ADAD2: variants seen among roughly 807,000 people sequenced by gnomAD.
ADAD2 encodes adenosine deaminase domain-containing protein 2.
In ADAD2, 60 loss-of-function variants were observed where a neutral mutation model predicts 54.5. The ratio of observed to expected loss-of-function variants is 1.10; its 90% confidence interval spans 0.89 to 1.36. The LOEUF (loss-of-function observed/expected upper bound fraction) is 1.36. Among genes scored for constraint, ADAD2 ranks in the 40% most tolerant of loss-of-function variants. The pLI is 0.00. For missense variants in ADAD2, 1,103 were observed against 801.3 expected (o/e 1.38, Z -4.54); for synonymous variants, 543 against 366.2 (o/e 1.48, Z -5.51).
rs74476969 is a variant in ADAD2 at position 84,197,072 on chromosome 16, C to G, written c.*98C>G. The G allele has an allele frequency of 1.5e-3, 1,850 of 1,247,346 alleles. 36 individuals carry two copies. The East Asian group carries it at 0.043, about 29-fold the overall frequency. 77.3% of individuals were successfully genotyped at this position (1,247,346 alleles called of 1,614,324 possible). A position where few individuals can be genotyped will look rare whatever the true frequency, so the allele number is the denominator to read the frequency against. On this transcript the variant is annotated 3_prime_UTR_variant, in exon 10 of 10. Transcript: ENST00000315906. ...CGTTGTGGGGAGAACATGGGTTGTGCGGGGTGAAACTGGGGCTGGAGGGAA... is the reference window on the plus strand; with the variant it reads ...CGTTGTGGGGAGAACATGGGTTGTGGGGGGTGAAACTGGGGCTGGAGGGAA...
In ADAD2 at chr16:84,195,960, C is replaced by G. The variant is rs1275475341; in HGVS notation, c.1198C>G (p.Leu400Val). 6.3e-6 allele frequency: 10 copies of G among 1,599,146 alleles called. No individual in the cohort carries two copies. Among genetic ancestry groups the G allele is most frequent in the South Asian group, 1.1e-5 (1 of 91,048 alleles). ...GGGCTGCCTGTCAGCCAGTGACAAG[C>G]TGGCACGCTGGGCCGTGCTGGGGCT... ...HVGCLSASDK[L>V]ARWAVLGLGG... is the part of the protein sequence containing the mutation. Residue 400 changes from leucine to valine, a missense_variant, in exon 7 of 10, where the codon CTG (leucine) becomes GTG (valine). Leu to Val is a conservative substitution (Grantham distance 32, BLOSUM62 1). Transcript: ENST00000315906.
At position 84,195,966 on chromosome 16, in the gene ADAD2, C is replaced by T. The variant is rs199788542; in HGVS notation, c.1204C>T (p.Arg402Cys). The change falls in exon 7 of 10, where the codon CGC (arginine) becomes TGC (cysteine). Residue 402 changes from arginine (R) to cysteine (C), a missense_variant. Physicochemically the swap from Arg to Cys is radical, Grantham distance 180 (BLOSUM62 -3). Coordinates refer to ENST00000315906, the MANE Select transcript of ADAD2 (RefSeq NM_001145400.2). ...GCLSASDKLARWAVLGLGGAL... is the reference protein window; with the variant it reads ...GCLSASDKLACWAVLGLGGAL... ...CCTGTCAGCCAGTGACAAGCTGGCACGCTGGGCCGTGCTGGGGCTGGGTGG... is the reference window on the plus strand; with the variant it reads ...CCTGTCAGCCAGTGACAAGCTGGCATGCTGGGCCGTGCTGGGGCTGGGTGG... The T allele has an allele frequency of 1.5e-5, 24 of 1,599,054 alleles. No homozygotes were observed. The highest frequency in any genetic ancestry group is 8.3e-5 in the Admixed American group (5 of 59,928).
chr16:84,196,295 G>A lies in ADAD2; in HGVS notation c.1451G>A (p.Gly484Asp), dbSNP rs775453617. 1 of 1,612,980 alleles carries A rather than the reference G, an allele frequency of 6.2e-7. No individual in the cohort carries two copies. The highest frequency in any genetic ancestry group is 8.5e-7 in the Non-Finnish European group (1 of 1,179,986). The change falls in exon 8 of 10, where the codon GGC becomes GAC. Residue 484 changes from glycine to aspartate, a missense_variant. Coordinates refer to ENST00000315906, the MANE Select transcript of ADAD2 (RefSeq NM_001145400.2). ...PSEPTPDTCR[G>D]LSLNWSLGDP... ...GAACCCACCCCTGACACCTGCCGTGGCCTGAGCCTCAACTGGAGCCTGGGG... is the reference window on the plus strand; with the variant it reads ...GAACCCACCCCTGACACCTGCCGTGACCTGAGCCTCAACTGGAGCCTGGGG...
At chr16:84,193,961 C>A in intron 1 of ADAD2, 1 of 1,505,398 alleles carries the variant, frequency 6.6e-7, no homozygotes, top group South Asian at 1.3e-5. Context: ...TTTTTCATCT[C>A]TCTTTTGTGT....
In ADAD2 at chr16:84,195,810, C is replaced by A. The variant is rs74961539; in HGVS notation, c.1053-5C>A. 1.3e-6 allele frequency: 2 copies of A among 1,596,978 alleles called. No individual in the cohort carries two copies. Among genetic ancestry groups the A allele is most frequent in the African/African-American group, 2.7e-5 (2 of 74,356 alleles). On this transcript the variant is annotated splice_region_variant and splice_polypyrimidine_tract_variant and intron_variant, in intron 6 of 9. Transcript: ENST00000315906. The stretch of plus-strand genomic sequence containing the variant: ...AGCTGATGTCTGTCCCCACCCGGCC[C>A]GCAGCCTGCCCCCCACCTCGGAAGG...
rs1264266037 is a variant in ADAD2, at chr16:84,191,621, C to T, written c.391C>T (p.Leu131=). The part of the protein sequence containing the change: ...TEYAASLGIF[L]LFREDQPPGP... Reference sequence around the variant, plus strand: ...GTACGCGGCCAGCCTGGGCATCTTCCTGCTCTTCCGGGAGGACCAGCCACC... The same window carrying T: ...GTACGCGGCCAGCCTGGGCATCTTCTTGCTCTTCCGGGAGGACCAGCCACC... Residue 131 remains leucine, a synonymous_variant, in exon 1 of 10, where the codon CTG becomes TTG. Transcript: ENST00000315906. 3.9e-6 allele frequency: 6 copies of T among 1,555,228 alleles called. No homozygotes were observed. The highest frequency in any genetic ancestry group is 2.4e-5 in the East Asian group (1 of 41,464).
chr16:84,195,990 G>A lies in ADAD2; in HGVS notation c.1228G>A (p.Gly410Ser), dbSNP rs2089724688. The A allele has an allele frequency of 1.3e-6, 2 of 1,598,782 alleles. No individual in the cohort carries two copies. Among genetic ancestry groups the A allele is most frequent in the Non-Finnish European group, 1.7e-6 (2 of 1,179,554 alleles). ...ACGCTGGGCCGTGCTGGGGCTGGGTGGTGCCCTGCTGGCCCACCTGGTGTC... is the reference window on the plus strand; with the variant it reads ...ACGCTGGGCCGTGCTGGGGCTGGGTAGTGCCCTGCTGGCCCACCTGGTGTC... ...LARWAVLGLG[G>S]ALLAHLVSPL... Residue 410 changes from glycine (G) to serine (S), a missense_variant, in exon 7 of 10, where the codon GGT becomes AGT. Transcript: ENST00000315906.
rs983257019 is a variant in ADAD2, at chr16:84,191,456, G to C, written c.226G>C (p.Gly76Arg). Residue 76 changes from glycine (G) to arginine (R), a missense_variant, in exon 1 of 10, where the codon GGG (glycine) becomes CGG (arginine). Gly to Arg is a moderately radical substitution (Grantham distance 125). Transcript: ENST00000315906. ...TGGGCCTGGGGCAGGGGCCGGAGTC[G>C]GGGAACTGGGGGCAGCCCGGGCGTG... is the stretch of plus-strand genomic sequence containing the variant. Reference protein sequence around the residue: ...DSGPGAGAGVGELGAARAWEN... With the variant: ...DSGPGAGAGVRELGAARAWEN... The C allele has an allele frequency of 1.3e-6, 2 of 1,527,000 alleles. No individual in the cohort carries two copies. 94.6% of individuals were successfully genotyped at this position (1,527,000 alleles called of 1,614,324 possible). A position where few individuals can be genotyped will look rare whatever the true frequency, so the allele number is the denominator to read the frequency against.
In ADAD2 at chr16:84,197,027, G is replaced by A. The variant is rs930215608; in HGVS notation, c.*53G>A. ...GGAGCCAAGCTGTACCCCTGCTGGG[G>A]GAGTGCCCTATCTGAGGAGCGTTGT... is the stretch of plus-strand genomic sequence containing the variant. On this transcript the variant is annotated 3_prime_UTR_variant, in exon 10 of 10. Transcript: ENST00000315906. 6.6e-7 allele frequency: 1 copy of A among 1,524,416 alleles called. No individual in the cohort carries two copies. The highest frequency in any genetic ancestry group is 1.4e-5 in the African/African-American group (1 of 72,718). 94.4% of individuals were successfully genotyped at this position (1,524,416 alleles called of 1,614,324 possible).
In ADAD2 at chr16:84,194,671, G is replaced by T. The variant is rs780277888; in HGVS notation, c.559+89G>T. On this transcript the variant is annotated intron_variant, in intron 2 of 9. Coordinates refer to ENST00000315906, the MANE Select transcript of ADAD2 (RefSeq NM_001145400.2). ...CCCGTGGGGAGGCGGAAGTGGCTGTGCGTGTGAGCAGGAGGTGGGTTGCTG... is the reference window on the plus strand; with the variant it reads ...CCCGTGGGGAGGCGGAAGTGGCTGTTCGTGTGAGCAGGAGGTGGGTTGCTG... 4.5e-6 allele frequency: 7 copies of T among 1,541,724 alleles called. No individual in the cohort carries two copies. In the South Asian group the frequency reaches 8.3e-5, roughly 18 times the overall value.
intron 5 of ADAD2, 28 bp downstream of exon 5, chr16:84,195,474 T>C (rs114717345): frequency 6.2e-7 from 1 of 1,606,318 alleles, no homozygotes; most frequent in South Asian, 1.1e-5. Flanking sequence ...GGGCGCCTGA[T>C]AGCAGCCTTC....
In ADAD2 at chr16:84,196,687, T is replaced by C; in HGVS notation, c.1567T>C (p.Phe523Leu). Residue 523 changes from phenylalanine (F) to leucine (L), a missense_variant, in exon 9 of 10, where the codon TTT becomes CTT. By Grantham distance (22) the Phe-to-Leu change is conservative. Transcript: ENST00000315906. ...GPPSRLCKASFLRAFHQAARA... is the reference protein window; with the variant it reads ...GPPSRLCKASLLRAFHQAARA... ...TCCCTCCCGTCTCTGCAAGGCCTCC[T>C]TTCTCCGGGCCTTTCACCAGGCGGC... 6.2e-7 allele frequency: 1 copy of C among 1,613,498 alleles called. No homozygotes were observed. The highest frequency in any genetic ancestry group is 2.2e-5 in the East Asian group (1 of 44,856).
chr16:84,191,907 C>A (rs533532931), intron 1 of ADAD2: 2 of 602,300 alleles, frequency 3.3e-6, no homozygotes, highest in Non-Finnish European at 2.9e-6. Context: ...CACCTGACTT[C>A]CAGGGAGGTT....
intron 1 of ADAD2, chr16:84,193,928 G>T: frequency 1.4e-6 from 2 of 1,380,144 alleles, no homozygotes; most frequent in South Asian, 1.4e-5. Flanking sequence ...CTGCACCTTT[G>T]ACCATGTGAT....
Position 84,195,910 on chromosome 16 carries a change from C to G in ADAD2, c.1148C>G (p.Ala383Gly), listed in dbSNP as rs144157576. 6.2e-7 allele frequency: 1 copy of G among 1,600,814 alleles called. No homozygotes were observed. The highest frequency in any genetic ancestry group is 2.2e-5 in the East Asian group (1 of 44,814). ...CAGCTGAAGCCTGTGTGCTACGTGGCGCCCTCGCTCTGTGACACCCACGTG... is the reference window on the plus strand; with the variant it reads ...CAGCTGAAGCCTGTGTGCTACGTGGGGCCCTCGCTCTGTGACACCCACGTG... ...LGQLKPVCYV[A>G]PSLCDTHVGC... Residue 383 changes from alanine (A) to glycine (G), a missense_variant, in exon 7 of 10, where the codon GCG becomes GGG. Ala to Gly is a moderately conservative substitution (Grantham distance 60). Transcript: ENST00000315906.
chr16:84,196,079 G>T (rs1384733818), intron 7 of ADAD2, 35 bp downstream of exon 7: 1 of 1,599,364 alleles, frequency 6.3e-7, no homozygotes, highest in African/African-American at 1.3e-5. Context: ...GGGTGAGAAG[G>T]GAGGGCAGGG....
In ADAD2 at chr16:84,191,178, G is replaced by A. The variant is rs113142759; in HGVS notation, c.-53G>A. On this transcript the variant is annotated 5_prime_UTR_variant, in exon 1 of 10. Coordinates refer to ENST00000315906, the MANE Select transcript of ADAD2 (RefSeq NM_001145400.2). ...AGGCACCCGCCCTGCGCGTGTGAAA[G>A]GGCGAGAGCAGCGCGAGATAGGGCC... 75 of 1,563,158 alleles carry A rather than the reference G, an allele frequency of 4.8e-5. No individual in the cohort carries two copies. The African/African-American group carries it at 7.3e-4, about 15-fold the overall frequency.
At position 84,196,784 on chromosome 16, in the gene ADAD2, C is replaced by T. The variant is rs374548764; in HGVS notation, c.1647+17C>T. On this transcript the variant is annotated intron_variant, in intron 9 of 9. Transcript: ENST00000315906. Reference sequence around the variant, plus strand: ...GCTGCCAAGGTTGGTTCCCCACCCTCCCCCCGTCCCGGTCCCTCTCCAGCC... The same window carrying T: ...GCTGCCAAGGTTGGTTCCCCACCCTTCCCCCGTCCCGGTCCCTCTCCAGCC... 3.3e-5 allele frequency: 53 copies of T among 1,602,052 alleles called. No individual in the cohort carries two copies. Among genetic ancestry groups the T allele is most frequent in the Middle Eastern group, 1.7e-4 (1 of 6,040 alleles).
chr16:84,194,653 G>C (rs1597598042), intron 2 of ADAD2, 71 bp downstream of exon 2: 2 of 1,552,866 alleles, frequency 1.3e-6, no homozygotes, highest in Non-Finnish European at 1.7e-6. Flanking sequence ...AGTCCCGTGG[G>C]GAGGCGGAAG....
Sources: gnomAD v4.1 joint callset for allele counts on GRCh38, gnomAD v4.1.1 for gene constraint, MANE v1.5 for transcripts, NCBI Gene and HGNC (gene_info 2026-07-23, HGNC 2026-07-21) for gene names.